Variants in RPH3A observed in about 807,000 individuals in gnomAD.
RPH3A encodes rabphilin 3A, also known as rabphilin-3A.
In RPH3A, 48 loss-of-function variants were observed where a neutral mutation model predicts 102.2. The observed-to-expected ratio is 0.47, with a 90% CI of 0.37 to 0.60. The LOEUF (loss-of-function observed/expected upper bound fraction) is 0.60, where lower values mean the gene tolerates loss of function less well. RPH3A is among the 20% of genes least tolerant of loss of function. The pLI is 0.00. For missense variants in RPH3A, 781 were observed against 910.1 expected (o/e 0.86, Z 1.83); for synonymous variants, 310 against 324.3 (o/e 0.96, Z 0.47).
intron 12 of RPH3A, 143 bp from the exon 13 acceptor site, chr12:112,876,499 T>C: frequency 1.6e-6 from 1 of 616,820 alleles, no homozygotes; most frequent in Non-Finnish European, 2.8e-6. Flanking sequence ...GGGCTTATTG[T>C]CAAACACAGA....
chr12:112,761,115 C>T (rs1250178338), intron 1 of RPH3A, among the ~76,000 whole-genome samples: 1 of 152,156 alleles, frequency 6.6e-6, no homozygotes, highest in African/African-American at 2.4e-5. Context: ...AGCATTGACA[C>T]TTATATGCCC....
intron 2 of RPH3A, among the ~76,000 whole-genome samples, chr12:112,794,881 T>C (rs576768248): frequency 2.4e-4 from 37 of 152,322 alleles, no homozygotes; most frequent in African/African-American, 8.9e-4. Context: ...AGAGGAAGGA[T>C]GTTCAGCAGT....
rs568120284 is a variant in RPH3A at position 112,691,214 on chromosome 12, C to T, written c.-139-100929C>T. ...TAATTTTTTATATTTTTAGTAGAGA[C>T]GGGGTTTCACCGTGGTCTCGATCTC... On this transcript the variant is annotated intron_variant, in intron 1 of 21. Coordinates refer to the RPH3A transcript ENST00000543106. 3.9e-5 allele frequency among the ~76,000 whole-genome samples: 6 copies of T among 152,178 alleles called. No homozygotes were observed. The East Asian group carries it at 7.7e-4, about 20-fold the overall frequency.
intron 1 of RPH3A, among the ~76,000 whole-genome samples, chr12:112,736,108 A>G (rs1025162491): frequency 6.6e-6 from 1 of 152,108 alleles, no homozygotes; most frequent in African/African-American, 2.4e-5. Context: ...ACTCATTTAC[A>G]GTGGGGTTTC....
Position 112,635,818 on chromosome 12 carries a change from A to ACTT in RPH3A, c.-140+60513_-140+60515dup, listed in dbSNP as rs140682809. The stretch of plus-strand genomic sequence containing the variant: ...GACCTGGCTCTGAGTGCATAAGTTG[A>ACTT]CTTCTTCTTCTTCTTCCTGTATGAC... On this transcript the variant is annotated intron_variant, in intron 1 of 21. Coordinates refer to the RPH3A transcript ENST00000543106. Among the ~76,000 whole-genome samples, 670 of 152,098 alleles carry ACTT rather than the reference A, an allele frequency of 4.4e-3. 8 individuals carry two copies. The highest frequency in any genetic ancestry group is 0.016 in the African/African-American group (652 of 41,454).
intron 5 of RPH3A, among the ~76,000 whole-genome samples, chr12:112,848,203 G>A (rs1424350293): frequency 3.3e-5 from 5 of 152,192 alleles, no homozygotes; most frequent in Non-Finnish European, 7.4e-5. Flanking sequence ...AGCATCAGGT[G>A]TCTCAGCTAA....
chr12:112,887,502 A>T (rs1295239082), intron 16 of RPH3A, among the ~76,000 whole-genome samples: 4 of 152,208 alleles, frequency 2.6e-5, no homozygotes, highest in African/African-American at 9.6e-5. Flanking sequence ...GATCCTGAGG[A>T]TCTTTCAGTC....
intron 2 of RPH3A, among the ~76,000 whole-genome samples, chr12:112,796,321 C>T (rs2041228907): frequency 6.6e-6 from 1 of 152,164 alleles, no homozygotes; most frequent in South Asian, 2.1e-4. Flanking sequence ...CTGAGCCTTC[C>T]TTCCCTTCCC....
chr12:112,681,213 T>C (rs1025255649), intron 1 of RPH3A, among the ~76,000 whole-genome samples: 1 of 152,204 alleles, frequency 6.6e-6, no homozygotes, highest in African/African-American at 2.4e-5. Flanking sequence ...GCCACCTCTC[T>C]GCTGCCCGCT....
At chr12:112,653,781 C>G (rs1426720403) in intron 1 of RPH3A, among the ~76,000 whole-genome samples, 5 of 152,148 alleles carry the variant, frequency 3.3e-5, no homozygotes, top group Non-Finnish European at 4.4e-5. Context: ...CTTGTGAAAA[C>G]ACAAAGACAT....
chr12:112,637,298 T>G (rs2039855662), intron 1 of RPH3A, among the ~76,000 whole-genome samples: 1 of 152,182 alleles, frequency 6.6e-6, no homozygotes, highest in Non-Finnish European at 1.5e-5. Context: ...CTATGGGCAA[T>G]GCCAAACATG....
chr12:112,743,688 T>C lies in RPH3A; in HGVS notation c.-139-48455T>C, dbSNP rs533195107. Among the ~76,000 whole-genome samples, 102 of 151,904 alleles carry C rather than the reference T, an allele frequency of 6.7e-4. 2 individuals are homozygous for C. The South Asian group carries it at 0.017, about 26-fold the overall frequency. ...TGAATAGGAGTTTAGGGTTTTTTTT[T>C]CCCCCCAAGGGCAATAGGGAGTCAC... On this transcript the variant is annotated intron_variant, in intron 1 of 21. Transcript: ENST00000543106.
At chr12:112,783,181 C>A (rs551925964) in intron 1 of RPH3A, among the ~76,000 whole-genome samples, 1 of 152,216 alleles carries the variant, frequency 6.6e-6, no homozygotes, top group South Asian at 2.1e-4. Context: ...TGTCGTGTCA[C>A]GTTAGGATTA....
At chr12:112,867,023 A>C in intron 7 of RPH3A, among the ~76,000 whole-genome samples, 183 bp downstream of exon 7, 1 of 149,394 alleles carries the variant, frequency 6.7e-6, no homozygotes, top group African/African-American at 2.5e-5. Context: ...CTTCCTTCCC[A>C]TCCTCTCTTC....
chr12:112,875,232 TC>T (rs1242440538), intron 11 of RPH3A, 62 bp downstream of exon 11: 11 of 1,286,682 alleles, frequency 8.5e-6, no homozygotes. Context: ...CCCTCATACC[TC>T]CCATCCCTGC....
At chr12:112,845,456 C>T (rs1475119003) in intron 4 of RPH3A, among the ~76,000 whole-genome samples, 2 of 152,210 alleles carry the variant, frequency 1.3e-5, no homozygotes, top group African/African-American at 4.8e-5. Context: ...TTCCTGATAA[C>T]ATGACCATTG....
At chr12:112,665,449 T>C (rs528196707) in intron 1 of RPH3A, among the ~76,000 whole-genome samples, 2 of 152,182 alleles carry the variant, frequency 1.3e-5, no homozygotes, top group Non-Finnish European at 2.9e-5. Flanking sequence ...CTGTTCTATT[T>C]ACTAGAAATC....
chr12:112,675,051 G>A (rs888922087), intron 1 of RPH3A, among the ~76,000 whole-genome samples: 2 of 152,192 alleles, frequency 1.3e-5, no homozygotes, highest in Non-Finnish European at 1.5e-5. Flanking sequence ...GGCAGCCTTT[G>A]CAGAAGCATT....
intron 1 of RPH3A, among the ~76,000 whole-genome samples, chr12:112,713,068 T>A (rs1176955139): frequency 7.3e-6 from 1 of 136,380 alleles, no homozygotes; most frequent in African/African-American, 2.7e-5. Flanking sequence ...CTTCTTCTTC[T>A]TCTTCTTCTT....
Sources: gnomAD v4.1 joint callset for allele counts (sites outside exome capture counted in the v4.1 genomes callset) on GRCh38, gnomAD v4.1.1 for gene constraint, MANE v1.5 for transcripts, NCBI Gene and HGNC (gene_info 2026-07-23, HGNC 2026-07-21) for gene names.